Variants in FIBP observed in about 807,000 individuals in gnomAD.
The protein encoded by FIBP is FGF1 intracellular binding protein.
Under a neutral mutation model 40.5 loss-of-function variants are expected in FIBP, and 29 were observed. The ratio of observed to expected loss-of-function variants is 0.72; its 90% CI spans 0.53 to 0.98. The LOEUF (loss-of-function observed/expected upper bound fraction) is 0.98, where lower values mean the gene tolerates loss of function less well. FIBP is among the 50% of genes least tolerant of loss of function. FIBP has a pLI of 0.00. For synonymous variants in FIBP, 215 were observed against 191.1 expected (o/e 1.13, Z -1.03); for missense variants, 411 against 470.2 (o/e 0.87, Z 1.16).
rs1388536062 is a variant in FIBP, at chr11:65,884,660, T to TG, written c.820-5dup. 2.5e-6 allele frequency: 4 copies of TG among 1,613,986 alleles called. No homozygotes were observed. The highest frequency in any genetic ancestry group is 1.6e-4 in the Middle Eastern group (1 of 6,062). On this transcript the variant is annotated splice_polypyrimidine_tract_variant and splice_region_variant and intron_variant, in intron 7 of 9. Coordinates refer to ENST00000357519, the MANE Select transcript of FIBP (RefSeq NM_004214.5). ...TCACCAGCCCCCGGGACAGGTTCTG[T>TG]GGGGCAGGGATCCTTGGAGCTCTGC...
rs2231886 is a variant in FIBP at position 65,887,580 on chromosome 11, C to T, written c.411+20G>A. 27 of 1,613,204 alleles carry T rather than the reference C, an allele frequency of 1.7e-5. No homozygotes were observed. The African/African-American group carries it at 2.9e-4, about 18-fold the overall frequency. Reference sequence around the variant, plus strand: ...TGAAGTGTAGATGGGATGCTGTGTCCGTGTGGATGCAGTGCATACCTGTCT... The same window carrying T: ...TGAAGTGTAGATGGGATGCTGTGTCTGTGTGGATGCAGTGCATACCTGTCT... On this transcript the variant is annotated intron_variant, in intron 3 of 9. Coordinates refer to ENST00000357519, the MANE Select transcript of FIBP (RefSeq NM_004214.5).
At position 65,887,984 on chromosome 11, in the gene FIBP, G is replaced by A; in HGVS notation, c.234C>T (p.His78=). The part of the protein sequence containing the change: ...RLLHAPPKLL[H]QLIFQIPPSR... The stretch of plus-strand genomic sequence containing the variant: ...AGGGCGGAATCTGGAAGATGAGCTG[G>A]TGCAGTAGCTTGGGCGGCGCATGCA... The change falls in exon 2 of 10, where the codon CAC becomes CAT. Residue 78 remains histidine (H), a synonymous_variant. Coordinates refer to ENST00000357519, the MANE Select transcript of FIBP (RefSeq NM_004214.5). 6.2e-7 allele frequency: 1 copy of A among 1,613,776 alleles called. No individual in the cohort carries two copies. The highest frequency in any genetic ancestry group is 8.5e-7 in the Non-Finnish European group (1 of 1,179,924).
In FIBP at chr11:65,884,056, G is replaced by A. The variant is rs2134769073; in HGVS notation, c.1005-13C>T. ...GAGGGCCTGGTGTCTGTAAGAACAT[G>A]AACAGTGACAGCTGAGTTTTCACAA... On this transcript the variant is annotated splice_polypyrimidine_tract_variant and intron_variant, in intron 9 of 9. Transcript: ENST00000357519. 1.9e-6 allele frequency: 3 copies of A among 1,610,344 alleles called. No homozygotes were observed. The highest frequency in any genetic ancestry group is 2.5e-6 in the Non-Finnish European group (3 of 1,177,348).
chr11:65,886,625 A>G (rs1295681853), intron 3 of FIBP: 1 of 531,082 alleles, frequency 1.9e-6, no homozygotes, highest in Non-Finnish European at 3.4e-6. Context: ...CTCCTGCTGT[A>G]TCTTGCCTTG....
At chr11:65,885,845 T>C (rs1860221932) in intron 4 of FIBP, 182 bp from the exon 5 acceptor site, 2 of 606,722 alleles carry the variant, frequency 3.3e-6, no homozygotes, top group Admixed American at 3.0e-5. Context: ...AGGTTCCAGC[T>C]CAAGTTTACT....
At position 65,888,042 on chromosome 11, in the gene FIBP, T is replaced by A. The variant is rs773275673; in HGVS notation, c.176A>T (p.His59Leu). Residue 59 changes from histidine (H) to leucine (L), a missense_variant, in exon 2 of 10, where the codon CAT (histidine) becomes CTT (leucine). Coordinates refer to ENST00000357519, the MANE Select transcript of FIBP (RefSeq NM_004214.5). Reference protein sequence around the residue: ...AAVLQSDTMDHYRTFHMLERL... With the variant: ...AAVLQSDTMDLYRTFHMLERL... Reference sequence around the variant, plus strand: ...CTCGAGCATGTGGAAGGTGCGGTAATGGTCCATGGTGTCGCTCTGCAGCAC... The same window carrying A: ...CTCGAGCATGTGGAAGGTGCGGTAAAGGTCCATGGTGTCGCTCTGCAGCAC... The A allele has an allele frequency of 6.2e-7, 1 of 1,611,710 alleles. No homozygotes were observed. Among genetic ancestry groups the A allele is most frequent in the Non-Finnish European group, 8.5e-7 (1 of 1,179,380 alleles).
rs1186564631 is a variant in FIBP at position 65,886,317 on chromosome 11, C to T, written c.512+5G>A. On this transcript the variant is annotated splice_donor_5th_base_variant and intron_variant, in intron 4 of 9. Transcript: ENST00000357519. ...TGCGGGATGGGGAGGTGGCTAGCTC[C>T]TCACCTGGCCAACCGGTCAGAGAGG... The T allele has an allele frequency of 1.2e-6, 2 of 1,607,628 alleles. No individual in the cohort carries two copies. The highest frequency in any genetic ancestry group is 1.1e-5 in the South Asian group (1 of 90,984).
In FIBP at chr11:65,888,145, C is replaced by T. The variant is rs1291961044; in HGVS notation, c.86-13G>A. 5 of 1,549,450 alleles carry T rather than the reference C, an allele frequency of 3.2e-6. No homozygotes were observed. The highest frequency in any genetic ancestry group is 1.8e-4 in the Middle Eastern group (1 of 5,704). ...ACCGCGTCGGTCACTGGAAAGCGGA[C>T]GCTAGCATCAGGCCCCGCCCCGCCG... On this transcript the variant is annotated splice_polypyrimidine_tract_variant and intron_variant, in intron 1 of 9. Coordinates refer to ENST00000357519, the MANE Select transcript of FIBP (RefSeq NM_004214.5).
intron 3 of FIBP, 135 bp downstream of exon 3, chr11:65,887,461 AAAGG>A: frequency 1.0e-6 from 1 of 985,540 alleles, no homozygotes; most frequent in Non-Finnish European, 1.6e-6. Flanking sequence ...AAAAAAAAAA[AAAGG>A]AGGGGAAAGG....
At chr11:65,888,260 G>A (rs1327528750) in intron 1 of FIBP, 74 bp downstream of exon 1, 6 of 1,492,058 alleles carry the variant, frequency 4.0e-6, no homozygotes, top group Non-Finnish European at 4.5e-6. Context: ...GGATGCCCAA[G>A]TCTTAGCCCC....
chr11:65,886,517 A>G (rs1289073070), intron 3 of FIBP, 95 bp from the exon 4 acceptor site: 2 of 785,686 alleles, frequency 2.5e-6, no homozygotes, highest in Non-Finnish European at 4.6e-6. Context: ...TCCCTTCCCC[A>G]TCCACCTATC....
intron 3 of FIBP, 44 bp from the exon 4 acceptor site, chr11:65,886,466 C>T: frequency 7.7e-7 from 1 of 1,302,540 alleles, no homozygotes; most frequent in Non-Finnish European, 1.1e-6. Flanking sequence ...TCAGAGTGTA[C>T]ACTGTGTCGC....
intron 9 of FIBP, 160 bp downstream of exon 9, chr11:65,884,232 C>A: frequency 1.3e-6 from 1 of 772,926 alleles, no homozygotes. Flanking sequence ...TGCCCCAAAT[C>A]ACACAGCTTC....
In FIBP at chr11:65,887,945, T is replaced by C. The variant is rs761063069; in HGVS notation, c.273A>G (p.Leu91=). The change falls in exon 2 of 10, where the codon CTA becomes CTG. Residue 91 remains leucine, a synonymous_variant. Coordinates refer to ENST00000357519, the MANE Select transcript of FIBP (RefSeq NM_004214.5). The part of the protein sequence containing the change: ...IFQIPPSRQA[L]LIERYYAFDE... ...CAGAGGGTGAGCACCTCTCGATGAGTAGTGCCTGCCGGGAGGGCGGAATCT... is the reference window on the plus strand; with the variant it reads ...CAGAGGGTGAGCACCTCTCGATGAGCAGTGCCTGCCGGGAGGGCGGAATCT... The C allele has an allele frequency of 2.5e-6, 4 of 1,613,296 alleles. No homozygotes were observed. In the South Asian group the frequency reaches 3.3e-5, roughly 13 times the overall value.
chr11:65,886,744 A>G (rs564154112), intron 3 of FIBP: 45 of 242,556 alleles, frequency 1.9e-4, no homozygotes, highest in Non-Finnish European at 3.3e-4. Flanking sequence ...TAAGCCCTAG[A>G]AACTAAAAAA....
intron 3 of FIBP, 50 bp downstream of exon 3, chr11:65,887,550 G>C (rs758637846): frequency 6.2e-7 from 1 of 1,606,048 alleles, no homozygotes; most frequent in Non-Finnish European, 8.5e-7. Context: ...GCCAAAGGGA[G>C]GGAGTGAAGT....
At chr11:65,887,477 G>A (rs759726359) in intron 3 of FIBP, 123 bp downstream of exon 3, 5 of 1,076,182 alleles carry the variant, frequency 4.6e-6, no homozygotes, top group African/African-American at 1.5e-5. Flanking sequence ...GGGGAAAGGG[G>A]AAGGGAGGAG....
Position 65,883,887 on chromosome 11 carries a change from G to A in FIBP, c.*87C>T, listed in dbSNP as rs1318961441. The stretch of plus-strand genomic sequence containing the variant: ...GAGACAGACACAGGCACATCTGCAC[G>A]CCCCCCACTTGCTCCCCGGAGCGAG... On this transcript the variant is annotated 3_prime_UTR_variant, in exon 10 of 10. Coordinates refer to ENST00000357519, the MANE Select transcript of FIBP (RefSeq NM_004214.5). 19 of 1,169,924 alleles carry A rather than the reference G, an allele frequency of 1.6e-5. 1 individual carries two copies. Among genetic ancestry groups the A allele is most frequent in the South Asian group, 6.6e-5 (5 of 75,340 alleles). 72.5% of individuals were successfully genotyped at this position (1,169,924 alleles called of 1,614,324 possible).
chr11:65,888,236 CCCA>C, intron 1 of FIBP, 95 bp downstream of exon 1: 1 of 1,470,600 alleles, frequency 6.8e-7, no homozygotes, highest in Non-Finnish European at 9.2e-7. Flanking sequence ...CAGGCGCTCG[CCCA>C]CTTCCCTAAA....
Sources: gnomAD v4.1 joint callset for allele counts on GRCh38, gnomAD v4.1.1 for gene constraint, MANE v1.5 for transcripts, NCBI Gene and HGNC (gene_info 2026-07-23, HGNC 2026-07-21) for gene names.